The following P2RY8 variants were observed in gnomAD, a reference collection of about 807,000 sequenced individuals.
P2RY8 encodes the protein P2Y receptor family member 8, also known as S-geranylgeranyl-glutathione receptor P2RY8.
Under a neutral mutation model 10.0 loss-of-function variants are expected in P2RY8, and 6 were observed. The ratio of observed to expected loss-of-function variants is 0.60; its 90% CI spans 0.33 to 1.19. The LOEUF is 1.19. P2RY8 is among the 50% of genes most tolerant of loss of function. The pLI is 0.04. For missense variants in P2RY8, 456 were observed against 542.0 expected (o/e 0.84, Z 1.58); for synonymous variants, 276 against 252.5 (o/e 1.09, Z -0.88).
Position 1,465,232 on chromosome X carries a change from A to ACAAG in P2RY8, c.*243_*246dup, listed in dbSNP as rs1167728804. The ACAAG allele has an allele frequency of 3.4e-6, 2 of 584,850 alleles. No homozygotes were observed. Among genetic ancestry groups the ACAAG allele is most frequent in the Non-Finnish European group, 5.8e-6 (2 of 345,236 alleles). 36.2% of individuals were successfully genotyped at this position (584,850 alleles called of 1,614,324 possible). On this transcript the variant is annotated 3_prime_UTR_variant, in exon 2 of 2. Transcript: ENST00000381297. ...AGGCAGAGGCACCCTCTGCAGGATA[A>ACAAG]CAAGCACCCTGTGCGCTGCTGGGCT...
At chrX:1,474,213 G>A (rs2091845233) in intron 1 of P2RY8, among the ~76,000 whole-genome samples, 1 of 151,968 alleles carries the variant, frequency 6.6e-6, no homozygotes, top group South Asian at 2.1e-4. Flanking sequence ...TGGGTGGGTG[G>A]ATGGGAGGGT....
chrX:1,533,741 ATTAT>A (rs1239819543), intron 1 of P2RY8, among the ~76,000 whole-genome samples: 6 of 123,216 alleles, frequency 4.9e-5, no homozygotes, highest in African/African-American at 6.5e-5. Flanking sequence ...TTATTCATAT[ATTAT>A]TTATTATTTA....
At chrX:1,531,939 A>G (rs2092478533) in intron 1 of P2RY8, among the ~76,000 whole-genome samples, 2 of 152,270 alleles carry the variant, frequency 1.3e-5, no homozygotes, top group Admixed American at 1.3e-4. Flanking sequence ...GCGAACAGGG[A>G]ACACGTCTGC....
chrX:1,520,859 C>A (rs2092385042), intron 1 of P2RY8, among the ~76,000 whole-genome samples: 1 of 151,068 alleles, frequency 6.6e-6, no homozygotes, highest in Admixed American at 6.6e-5. Flanking sequence ...ATAGTACCCC[C>A]AAATGTCCCT....
At chrX:1,508,026 G>A (rs1202389557) in intron 1 of P2RY8, among the ~76,000 whole-genome samples, 1 of 152,100 alleles carries the variant, frequency 6.6e-6, no homozygotes, top group Non-Finnish European at 1.5e-5. Context: ...CGTATGGCGT[G>A]TGCCTGATGA....
At chrX:1,498,630 G>C (rs1363943867) in intron 1 of P2RY8, among the ~76,000 whole-genome samples, 1 of 150,648 alleles carries the variant, frequency 6.6e-6, no homozygotes, top group Non-Finnish European at 1.5e-5. Flanking sequence ...CGATTCTCCT[G>C]CCTCAGCCTC....
chrX:1,494,869 AT>A (rs59572174), intron 1 of P2RY8, among the ~76,000 whole-genome samples: 39,958 of 143,628 alleles, frequency 0.28, 5,714 homozygotes, highest in Non-Finnish European at 0.31. Flanking sequence ...CACCTGGCTA[AT>A]TTTTTTTTTT....
chrX:1,486,351 C>A (rs754039121), intron 1 of P2RY8, among the ~76,000 whole-genome samples: 2 of 152,108 alleles, frequency 1.3e-5, no homozygotes, highest in Non-Finnish European at 2.9e-5. Context: ...ACAACGTGGC[C>A]CCCCCATGCA....
intron 1 of P2RY8, among the ~76,000 whole-genome samples, chrX:1,510,585 CCCCT>C (rs1232392058): frequency 6.6e-6 from 1 of 152,052 alleles, no homozygotes; most frequent in Non-Finnish European, 1.5e-5. Flanking sequence ...GTTCTGGAAG[CCCCT>C]TTTGACAGCC....
chrX:1,525,391 C>T (rs752527481), intron 1 of P2RY8, among the ~76,000 whole-genome samples: 82 of 152,172 alleles, frequency 5.4e-4, no homozygotes, highest in African/African-American at 1.3e-3. Flanking sequence ...GAGACTGGGA[C>T]GCAGACATGC....
At chrX:1,499,168 T>TTC (rs2092150553) in intron 1 of P2RY8, among the ~76,000 whole-genome samples, 1 of 140,992 alleles carries the variant, frequency 7.1e-6, no homozygotes, top group Non-Finnish European at 1.5e-5. Flanking sequence ...CTTTTCTTTT[T>TTC]TTTTTTTTTT....
At chrX:1,504,988 A>C (rs1159085969) in intron 1 of P2RY8, among the ~76,000 whole-genome samples, 2 of 151,786 alleles carry the variant, frequency 1.3e-5, no homozygotes, top group Non-Finnish European at 2.9e-5. Flanking sequence ...ACAAAAATAA[A>C]TTAGCCGGGC....
chrX:1,467,056 C>T (rs28684380), intron 1 of P2RY8, among the ~76,000 whole-genome samples: 82,124 of 151,378 alleles, frequency 0.54, 22,340 homozygotes, highest in Middle Eastern at 0.64. Context: ...CCCCCGTGGA[C>T]GGAAACCACA....
At chrX:1,501,656 C>T (rs1332535392) in intron 1 of P2RY8, among the ~76,000 whole-genome samples, 11 of 151,964 alleles carry the variant, frequency 7.2e-5, no homozygotes, top group African/African-American at 2.4e-4. Flanking sequence ...TGCAGTGGTG[C>T]GATCTTGGCT....
intron 1 of P2RY8, among the ~76,000 whole-genome samples, chrX:1,528,325 C>T (rs1340188622): frequency 6.6e-6 from 1 of 152,210 alleles, no homozygotes; most frequent in East Asian, 1.9e-4. Flanking sequence ...CTGAGAGGCT[C>T]ATGCAGGTAT....
chrX:1,469,587 TTTC>T (rs1359714137), intron 1 of P2RY8, among the ~76,000 whole-genome samples: 1 of 152,068 alleles, frequency 6.6e-6, no homozygotes, highest in Non-Finnish European at 1.5e-5. Flanking sequence ...CTCTCACTTA[TTTC>T]TTCTTAAAAC....
In P2RY8 at chrX:1,499,916, T is replaced by G. The variant is rs746664486; in HGVS notation, c.-24-33334A>C. Among the ~76,000 whole-genome samples, 19 of 151,764 alleles carry G rather than the reference T, an allele frequency of 1.3e-4. No individual in the cohort carries two copies. The South Asian group carries it at 4.0e-3, about 32-fold the overall frequency. On this transcript the variant is annotated intron_variant, in intron 1 of 1. Transcript: ENST00000381297. ...CTCTGTGGCCCAGGCTGGAGTGCAG[T>G]GGTGTGATCTCAGCTCACTGCAAGC...
intron 1 of P2RY8, among the ~76,000 whole-genome samples, chrX:1,488,189 C>T (rs765769198): frequency 6.6e-6 from 1 of 152,246 alleles, no homozygotes; most frequent in African/African-American, 2.4e-5. Context: ...CCCCAGGAGC[C>T]CCTCAGCCTG....
At chrX:1,522,354 G>C (rs1404961571) in intron 1 of P2RY8, among the ~76,000 whole-genome samples, 1 of 151,842 alleles carries the variant, frequency 6.6e-6, no homozygotes, top group Admixed American at 6.6e-5. Flanking sequence ...TCATGCCTCC[G>C]TGCAGCCAAT....
Sources: gnomAD v4.1 joint callset for allele counts (sites outside exome capture counted in the v4.1 genomes callset) on GRCh38, gnomAD v4.1.1 for gene constraint, MANE v1.5 for transcripts, NCBI Gene and HGNC (gene_info 2026-07-23, HGNC 2026-07-21) for gene names.